The following NR6A1 variants were observed in gnomAD, a reference collection of about 807,000 sequenced individuals.
NR6A1 encodes retinoic acid receptor-related testis-associated receptor.
A neutral mutation model predicts 59.1 loss-of-function variants in NR6A1; 7 were observed. That is an observed-to-expected ratio of 0.12 (90% confidence interval 0.07 to 0.22). NR6A1 has a LOEUF of 0.22. Ranked by LOEUF, NR6A1 falls within the 10% of genes least tolerant of loss-of-function variation. The probability of loss-of-function intolerance (pLI) is 1.00; values close to 1 mark genes in which losing one functional copy is unlikely to be tolerated. For missense variants in NR6A1, 468 were observed against 611.6 expected (o/e 0.77, Z 2.48); for synonymous variants, 243 against 236.1 (o/e 1.03, Z -0.27).
At chr9:124,620,055 T>C (rs183283286) in intron 2 of NR6A1, among the ~76,000 whole-genome samples, 32 of 152,208 alleles carry the variant, frequency 2.1e-4, no homozygotes, top group African/African-American at 7.5e-4. Context: ...GAGCGAAACT[T>C]CATCTCCAAA....
intron 2 of NR6A1, among the ~76,000 whole-genome samples, chr9:124,700,639 T>C (rs1336109945): frequency 1.3e-5 from 2 of 152,154 alleles, no homozygotes; most frequent in Non-Finnish European, 1.5e-5. Flanking sequence ...TTGCATTATA[T>C]AGGTATTCCA....
intron 2 of NR6A1, among the ~76,000 whole-genome samples, chr9:124,588,726 T>C (rs895696525): frequency 2.0e-5 from 3 of 148,556 alleles, no homozygotes; most frequent in African/African-American, 4.9e-5. Flanking sequence ...GACACCATCC[T>C]GGCTAACAAC....
intron 2 of NR6A1, among the ~76,000 whole-genome samples, chr9:124,591,052 G>A (rs1835106589): frequency 6.6e-6 from 1 of 152,134 alleles, no homozygotes; most frequent in Non-Finnish European, 1.5e-5. Flanking sequence ...AGAAGGCTCA[G>A]CAGCTGGCCC....
intron 2 of NR6A1, among the ~76,000 whole-genome samples, chr9:124,606,658 G>A (rs1835583597): frequency 6.6e-6 from 1 of 152,166 alleles, no homozygotes; most frequent in African/African-American, 2.4e-5. Context: ...TGATTCTTCA[G>A]GGTTATTGAT....
chr9:124,564,201 A>AG (rs1266872495), intron 2 of NR6A1, among the ~76,000 whole-genome samples: 2 of 152,230 alleles, frequency 1.3e-5, no homozygotes, highest in East Asian at 3.8e-4. Flanking sequence ...AACTAGAAAC[A>AG]GAAAAAAAAT....
intron 2 of NR6A1, among the ~76,000 whole-genome samples, chr9:124,581,235 G>C (rs1237480457): frequency 1.3e-5 from 2 of 152,176 alleles, no homozygotes; most frequent in African/African-American, 4.8e-5. Flanking sequence ...AAAAACAATT[G>C]TAACAAAAGC....
At chr9:124,685,738 C>A (rs1020097605) in intron 2 of NR6A1, among the ~76,000 whole-genome samples, 8 of 152,190 alleles carry the variant, frequency 5.3e-5, no homozygotes, top group Non-Finnish European at 1.0e-4. Context: ...AACTTATTTT[C>A]TATTTATTCA....
At chr9:124,744,864 G>C (rs1187134011) in intron 1 of NR6A1, among the ~76,000 whole-genome samples, 1 of 152,208 alleles carries the variant, frequency 6.6e-6, no homozygotes. Flanking sequence ...GAAGTAGCCA[G>C]CTCTGCTCAG....
chr9:124,576,576 C>G (rs964663722), intron 2 of NR6A1, among the ~76,000 whole-genome samples: 1 of 151,980 alleles, frequency 6.6e-6, no homozygotes, highest in African/African-American at 2.4e-5. Context: ...CGTGAACCAC[C>G]GCGCCCAGCC....
chr9:124,703,405 T>C (rs1839025886), intron 2 of NR6A1, among the ~76,000 whole-genome samples: 2 of 147,652 alleles, frequency 1.4e-5, no homozygotes, highest in Non-Finnish European at 3.0e-5. Flanking sequence ...TGTAACAGGC[T>C]CTATGTTACC....
chr9:124,677,279 G>A lies in NR6A1; in HGVS notation c.142+56029C>T, dbSNP rs559286682. On this transcript the variant is annotated intron_variant, in intron 2 of 9. Transcript: ENST00000487099. ...TTATTACTATTTCCTTTCTTCTGGA[G>A]ACAGAGTCTCACTTTGTCACGCAGG... Among the ~76,000 whole-genome samples the A allele has an allele frequency of 4.6e-5, 7 of 152,200 alleles. No homozygotes were observed. The South Asian group carries it at 1.5e-3, about 32-fold the overall frequency.
chr9:124,552,457 G>A (rs1038862574), intron 3 of NR6A1, among the ~76,000 whole-genome samples: 3 of 152,174 alleles, frequency 2.0e-5, no homozygotes, highest in African/African-American at 7.2e-5. Context: ...ACAGGCAGGG[G>A]ACAAACTTGG....
At chr9:124,616,705 T>A (rs1006622010) in intron 2 of NR6A1, among the ~76,000 whole-genome samples, 1 of 152,084 alleles carries the variant, frequency 6.6e-6, no homozygotes, top group African/African-American at 2.4e-5. Flanking sequence ...GGACAAAGAA[T>A]ATGACCAGGC....
At position 124,695,501 on chromosome 9, in the gene NR6A1, A is replaced by G. The variant is rs543653411; in HGVS notation, c.142+37807T>C. Among the ~76,000 whole-genome samples the G allele has an allele frequency of 1.4e-4, 21 of 152,142 alleles. No individual in the cohort carries two copies. The East Asian group carries it at 4.1e-3, about 29-fold the overall frequency. ...GTGATTCTCGTGCCTCAGCCTCTCA[A>G]GTAGCTGGCCCGCCACCACACCCAG... On this transcript the variant is annotated intron_variant, in intron 2 of 9. Transcript: ENST00000487099.
At chr9:124,691,645 C>T (rs1401965150) in intron 2 of NR6A1, among the ~76,000 whole-genome samples, 1 of 152,160 alleles carries the variant, frequency 6.6e-6, no homozygotes, top group Non-Finnish European at 1.5e-5. Flanking sequence ...TAGTTACACT[C>T]TGTGTTCTCA....
At chr9:124,616,011 C>T (rs114147237) in intron 2 of NR6A1, among the ~76,000 whole-genome samples, 1,567 of 151,994 alleles carry the variant, frequency 0.01, 25 homozygotes, top group African/African-American at 0.036. Context: ...AGGCGTGAGT[C>T]ACCACGCCCA....
At chr9:124,626,959 G>C (rs911986202) in intron 2 of NR6A1, among the ~76,000 whole-genome samples, 8 of 151,976 alleles carry the variant, frequency 5.3e-5, no homozygotes, top group Non-Finnish European at 4.4e-5. Context: ...TGGAGCTTCA[G>C]GACAAAAGAC....
intron 2 of NR6A1, among the ~76,000 whole-genome samples, chr9:124,617,259 A>G (rs1160632563): frequency 1.3e-5 from 2 of 152,236 alleles, no homozygotes; most frequent in African/African-American, 2.4e-5. Context: ...TTGAGAGCCA[A>G]TTTTGAAGAT....
At chr9:124,767,513 G>GAAAAAAAAAAAAAAA (rs951834728) in intron 1 of NR6A1, among the ~76,000 whole-genome samples, 7 of 76,456 alleles carry the variant, frequency 9.2e-5, no homozygotes, top group Non-Finnish European at 1.2e-4. Context: ...TACAAAAAAA[G>GAAAAAAAAAAAAAAA]AAAAAAAAAA....
Sources: allele counts gnomAD v4.1 joint callset (sites outside exome capture counted in the v4.1 genomes callset), GRCh38; gene constraint gnomAD v4.1.1; transcripts MANE v1.5; gene names NCBI Gene and HGNC (gene_info 2026-07-23, HGNC 2026-07-21).